ERICH1: variants seen among roughly 807,000 people sequenced by gnomAD.
ERICH1 encodes glutamate rich 1, also known as glutamate-rich protein 1.
Under a neutral mutation model 39.6 loss-of-function variants are expected in ERICH1, and 56 were observed. The ratio of observed to expected loss-of-function variants is 1.41; its 90% CI spans 1.14 to 1.77. The LOEUF is 1.77. Among genes scored for constraint, ERICH1 ranks in the 40% most tolerant of loss-of-function variants. The probability of loss-of-function intolerance (pLI) is 0.00; values close to 1 mark genes in which losing one functional copy is unlikely to be tolerated. For synonymous variants in ERICH1, 313 were observed against 223.6 expected (o/e 1.40, Z -3.57); for missense variants, 826 against 575.4 (o/e 1.44, Z -4.45).
intron 3 of ERICH1, among the ~76,000 whole-genome samples, chr8:683,492 A>C (rs1806604541): frequency 6.6e-6 from 1 of 152,166 alleles, no homozygotes; most frequent in Non-Finnish European, 1.5e-5. Context: ...TGTCACTTTA[A>C]AAAAATGGAT....
chr8:625,192 A>G (rs1797533691), intron 3 of ERICH1, among the ~76,000 whole-genome samples: 1 of 152,198 alleles, frequency 6.6e-6, no homozygotes, highest in African/African-American at 2.4e-5. Flanking sequence ...ACCATATCAG[A>G]GTCATTCACA....
intron 1 of ERICH1, among the ~76,000 whole-genome samples, chr8:717,788 G>C (rs1816361744): frequency 6.6e-6 from 1 of 152,348 alleles, no homozygotes; most frequent in African/African-American, 2.4e-5. Context: ...TCTGGAGCCA[G>C]GAAAATGCTA....
intron 3 of ERICH1, among the ~76,000 whole-genome samples, chr8:623,189 G>A (rs552474157): frequency 5.5e-4 from 84 of 152,150 alleles, no homozygotes; most frequent in African/African-American, 2.0e-3. Context: ...ATGCATAAAT[G>A]GAATTACACA....
chr8:711,584 T>G (rs1814746397), intron 2 of ERICH1, among the ~76,000 whole-genome samples: 1 of 151,922 alleles, frequency 6.6e-6, no homozygotes, highest in Admixed American at 6.6e-5. Context: ...CTGCAACCTC[T>G]GCTCCTGGGT....
intron 2 of ERICH1, among the ~76,000 whole-genome samples, chr8:692,954 G>A (rs1269185430): frequency 2.0e-5 from 3 of 152,110 alleles, no homozygotes; most frequent in Non-Finnish European, 2.9e-5. Flanking sequence ...CAGTTTGCAC[G>A]ACACACCCTT....
At chr8:704,291 GC>G (rs1194485309) in intron 2 of ERICH1, among the ~76,000 whole-genome samples, 1 of 152,152 alleles carries the variant, frequency 6.6e-6, no homozygotes, top group Non-Finnish European at 1.5e-5. Flanking sequence ...AGCAAAGGAA[GC>G]CCCCGGGAGA....
At chr8:720,683 C>T (rs549619835) in intron 1 of ERICH1, among the ~76,000 whole-genome samples, 2 of 152,206 alleles carry the variant, frequency 1.3e-5, no homozygotes, top group African/African-American at 4.8e-5. Flanking sequence ...TGAGCACGGT[C>T]GTCAAAATAA....
intron 4 of ERICH1, among the ~76,000 whole-genome samples, chr8:672,456 G>C (rs570848658): frequency 6.6e-6 from 1 of 152,274 alleles, no homozygotes; most frequent in South Asian, 2.1e-4. Flanking sequence ...TTATTACATA[G>C]CTGATATTTC....
intron 3 of ERICH1, among the ~76,000 whole-genome samples, chr8:650,363 C>T (rs1799792531): frequency 6.6e-6 from 1 of 152,238 alleles, no homozygotes; most frequent in Non-Finnish European, 1.5e-5. Context: ...ACGGGCTTTC[C>T]TTTTTCCTGC....
intron 3 of ERICH1, among the ~76,000 whole-genome samples, chr8:656,029 C>T (rs1350284471): frequency 6.6e-6 from 1 of 152,114 alleles, no homozygotes; most frequent in Non-Finnish European, 1.5e-5. Context: ...GTCTCTGTGC[C>T]TGCAGACTCA....
At chr8:724,888 G>A (rs979144717) in intron 1 of ERICH1, among the ~76,000 whole-genome samples, 1 of 152,014 alleles carries the variant, frequency 6.6e-6, no homozygotes, top group Non-Finnish European at 1.5e-5. Context: ...CTGCACCCAC[G>A]CCGCCTGGCC....
rs557457835 is a variant in ERICH1, at chr8:673,931, T to A, written c.421A>T (p.Ser141Cys). The A allele has an allele frequency of 9.9e-6, 16 of 1,612,684 alleles. 2 individuals carry two copies. In the South Asian group the frequency reaches 1.7e-4, roughly 17 times the overall value. The change falls in exon 4 of 6, where the codon AGT becomes TGT. Residue 141 changes from serine (S) to cysteine (C), a missense_variant. Transcript: ENST00000262109. ...CGCTGAGATTTCTCCTGTAACAGACTCTGCTGTTTCTCTAATTCTGCTTGT... is the reference window on the plus strand; with the variant it reads ...CGCTGAGATTTCTCCTGTAACAGACACTGCTGTTTCTCTAATTCTGCTTGT... The part of the protein sequence containing the change: ...IEQAELEKQQ[S>C]LLQEKSQRQH...
intron 3 of ERICH1, among the ~76,000 whole-genome samples, chr8:634,742 C>A (rs1463797224): frequency 6.6e-6 from 1 of 152,200 alleles, no homozygotes; most frequent in East Asian, 1.9e-4. Context: ...CTGAGTCCCA[C>A]GCGGGATGAC....
intron 1 of ERICH1, among the ~76,000 whole-genome samples, chr8:719,083 G>C (rs914224778): frequency 6.6e-6 from 1 of 152,140 alleles, no homozygotes; most frequent in Non-Finnish European, 1.5e-5. Flanking sequence ...CTCCCACCGG[G>C]AGCCCAGGCC....
intron 5 of ERICH1, chr8:665,950 G>A (rs1260818586): frequency 2.0e-5 from 3 of 152,170 alleles, no homozygotes; most frequent in Non-Finnish European, 2.9e-5. Context: ...ACTCGTATAG[G>A]CCAAGTCTGC....
At chr8:695,057 G>A (rs1229447185) in intron 2 of ERICH1, among the ~76,000 whole-genome samples, 2 of 152,210 alleles carry the variant, frequency 1.3e-5, no homozygotes, top group South Asian at 2.1e-4. Flanking sequence ...GGTGATAGGC[G>A]GTTGGCTGCC....
chr8:676,807 T>C (rs1362410548), intron 3 of ERICH1, among the ~76,000 whole-genome samples: 1 of 151,838 alleles, frequency 6.6e-6, no homozygotes, highest in Admixed American at 6.6e-5. Context: ...AGGGCGGGGG[T>C]TCAGACAGTT....
chr8:664,027 A>C (rs1801821611), downstream of ERICH1, among the ~76,000 whole-genome samples: 1 of 152,174 alleles, frequency 6.6e-6, no homozygotes, highest in African/African-American at 2.4e-5. Flanking sequence ...CCAAAGTGCC[A>C]GGATTACAGG....
intron 1 of ERICH1, 100 bp downstream of exon 1, chr8:731,040 C>A: frequency 7.6e-7 from 1 of 1,310,212 alleles, no homozygotes; most frequent in Non-Finnish European, 9.8e-7. Context: ...TGGGGTGGGG[C>A]CTGGAAAGGG....
Sources: gnomAD v4.1 joint callset for allele counts (sites outside exome capture counted in the v4.1 genomes callset) on GRCh38, gnomAD v4.1.1 for gene constraint, MANE v1.5 for transcripts, NCBI Gene and HGNC (gene_info 2026-07-23, HGNC 2026-07-21) for gene names.